The following NUP155 variants were observed in gnomAD, a reference collection of about 807,000 sequenced individuals.
NUP155 encodes nuclear pore complex protein Nup155.
NUP155 carries 71 observed loss-of-function variants against 180.4 expected under a neutral mutation model. That is an observed-to-expected ratio of 0.39 (90% confidence interval 0.33 to 0.48). The LOEUF is 0.48. Among genes scored for constraint, NUP155 ranks in the 20% least tolerant of loss-of-function variants. The pLI is 0.91. For missense variants in NUP155, 1,553 were observed against 1,648.9 expected, an observed-to-expected ratio of 0.94 and a Z score of 1.01; for synonymous variants, 582 against 559.5, an observed-to-expected ratio of 1.04 and a Z score of -0.57.
At chr5:37,309,346 A>T in intron 23 of NUP155, 79 bp from the exon 24 acceptor site, 3 of 1,156,158 alleles carry the variant, frequency 2.6e-6, no homozygotes, top group East Asian at 2.6e-5. Context: ...GTTTTAGTCT[A>T]TGTCTAAATT....
Position 37,292,011 on chromosome 5 carries a change from A to C in NUP155, c.4065T>G (p.Asp1355Glu). 2 of 1,614,150 alleles carry C rather than the reference A, an allele frequency of 1.2e-6. No homozygotes were observed. Among genetic ancestry groups the C allele is most frequent in the Non-Finnish European group, 1.7e-6 (2 of 1,179,984 alleles). ...ERRRFTNLCLDAVCGYLVELQ... is the reference protein window; with the variant it reads ...ERRRFTNLCLEAVCGYLVELQ... ...GCTCAACAAGGTAACCACAAACAGC[A>C]TCCAGGCAGAGATTTGTAAATCTTC... is the stretch of plus-strand genomic sequence containing the variant. The change falls in exon 35 of 35, where the codon GAT becomes GAG. Residue 1355 changes from aspartate to glutamate, a missense_variant. Transcript: ENST00000231498.
intron 16 of NUP155, 139 bp from the exon 17 acceptor site, chr5:37,328,559 A>T: frequency 1.5e-6 from 1 of 653,824 alleles, no homozygotes; most frequent in Non-Finnish European, 2.8e-6. Flanking sequence ...GCTGGAGTGC[A>T]GTGGCATGAT....
chr5:37,347,820 G>A (rs1746195997), intron 9 of NUP155, among the ~76,000 whole-genome samples: 1 of 151,932 alleles, frequency 6.6e-6, no homozygotes, highest in Admixed American at 6.6e-5. Flanking sequence ...GGCCAACATG[G>A]CGAAACCCAA....
intron 20 of NUP155, among the ~76,000 whole-genome samples, chr5:37,318,450 G>T (rs1744043279): frequency 6.6e-6 from 1 of 151,928 alleles, no homozygotes; most frequent in African/African-American, 2.4e-5. Flanking sequence ...AAAGAGAATG[G>T]GACAGAAGAA....
intron 20 of NUP155, 60 bp downstream of exon 20, chr5:37,323,932 T>C (rs2150960617): frequency 2.5e-6 from 3 of 1,202,622 alleles, no homozygotes; most frequent in South Asian, 2.5e-5. Flanking sequence ...ATGTAAATCA[T>C]CTCAACAAAA....
rs962308702 is a variant in NUP155, at chr5:37,294,181, A to C, written c.3930+148T>G. 57 of 589,108 alleles carry C rather than the reference A, an allele frequency of 9.7e-5. 1 individual carries two copies. The highest frequency in any genetic ancestry group is 1.7e-4 in the Non-Finnish European group (56 of 335,218). The allele number at this position is 589,108 out of a possible 1,614,324, so 36.5% of individuals were successfully genotyped here. ...AAGCAACTCTCATTATCAGTTTAAAAAGTCAAAAGCATAATTTCCAAGACT... is the reference window on the plus strand; with the variant it reads ...AAGCAACTCTCATTATCAGTTTAAACAGTCAAAAGCATAATTTCCAAGACT... On this transcript the variant is annotated intron_variant, in intron 33 of 34. Transcript: ENST00000231498.
At position 37,353,985 on chromosome 5, in the gene NUP155, A is replaced by T. The variant is rs554383321; in HGVS notation, c.464-1156T>A. On this transcript the variant is annotated intron_variant, in intron 4 of 34. Transcript: ENST00000231498. The stretch of plus-strand genomic sequence containing the variant: ...ACCACAATTAAAATATATATAATAG[A>T]TTTCATTTTGAAATGCAAATAAAAG... 1.2e-3 allele frequency among the ~76,000 whole-genome samples: 190 copies of T among 152,340 alleles called. 1 individual carries two copies. The highest frequency in any genetic ancestry group is 4.5e-3 in the African/African-American group (185 of 41,572).
At chr5:37,305,272 G>C (rs1411150633) in intron 25 of NUP155, 62 bp from the exon 26 acceptor site, 3 of 1,462,258 alleles carry the variant, frequency 2.1e-6, no homozygotes, top group Admixed American at 1.7e-5. Flanking sequence ...GATGGTAAGT[G>C]TGGTGACTCA....
In NUP155 at chr5:37,363,869, A is replaced by C. The variant is rs749218542; in HGVS notation, c.392+19T>G. On this transcript the variant is annotated intron_variant, in intron 3 of 34. Coordinates refer to ENST00000231498, the MANE Select transcript of NUP155 (RefSeq NM_153485.3). ...TAAATTCCAATCACCCTTAAAGCAA[A>C]CCAGCCTTAAATACATACCCATCCT... 11 of 1,527,780 alleles carry C rather than the reference A, an allele frequency of 7.2e-6. No individual in the cohort carries two copies. The allele number at this position is 1,527,780 out of a possible 1,614,324, so 94.6% of individuals were successfully genotyped here. A position where few individuals can be genotyped will look rare whatever the true frequency, so the allele number is the denominator to read the frequency against.
intron 20 of NUP155, among the ~76,000 whole-genome samples, chr5:37,319,320 A>G (rs906235924): frequency 3.3e-5 from 5 of 152,242 alleles, no homozygotes; most frequent in Admixed American, 2.6e-4. Flanking sequence ...CTGAACATTC[A>G]AAATGAGTAA....
At chr5:37,340,973 C>T in intron 11 of NUP155, 117 bp downstream of exon 11, 1 of 865,628 alleles carries the variant, frequency 1.2e-6, no homozygotes, top group Non-Finnish European at 1.8e-6. Flanking sequence ...CCTGACCCTT[C>T]TAGTAGTTCC....
intron 31 of NUP155, 64 bp downstream of exon 31, chr5:37,299,384 G>C: frequency 6.3e-7 from 1 of 1,585,856 alleles, no homozygotes; most frequent in Non-Finnish European, 8.7e-7. Flanking sequence ...GTTACTAGCA[G>C]CTTGCATTCC....
At chr5:37,369,871 T>C (rs751057936) in intron 1 of NUP155, among the ~76,000 whole-genome samples, 6 of 152,372 alleles carry the variant, frequency 3.9e-5, no homozygotes, top group Non-Finnish European at 8.8e-5. Flanking sequence ...TTCTAGCAAC[T>C]GATGTAATTC....
At chr5:37,332,301 C>T (rs1745022225) in intron 13 of NUP155, among the ~76,000 whole-genome samples, 4 of 130,342 alleles carry the variant, frequency 3.1e-5, no homozygotes, top group South Asian at 5.4e-4. Context: ...ATTGAGGTTT[C>T]TGCCATTACA....
intron 22 of NUP155, among the ~76,000 whole-genome samples, chr5:37,312,722 G>A (rs757727295): frequency 2.6e-5 from 4 of 152,072 alleles, no homozygotes; most frequent in African/African-American, 9.7e-5. Context: ...CCAGCTACTC[G>A]GGAGGCTAAA....
chr5:37,320,964 G>C (rs1364047719), intron 20 of NUP155, among the ~76,000 whole-genome samples: 14 of 152,190 alleles, frequency 9.2e-5, no homozygotes, highest in East Asian at 1.9e-4. Context: ...TTAAGGTAGA[G>C]AGAGGCCTGA....
intron 3 of NUP155, among the ~76,000 whole-genome samples, chr5:37,362,670 C>T (rs1426786694): frequency 1.2e-4 from 18 of 152,138 alleles, no homozygotes. Flanking sequence ...TGAAAAGATA[C>T]ATACCTAAAC....
intron 10 of NUP155, among the ~76,000 whole-genome samples, chr5:37,341,741 C>T (rs188393644): frequency 9.2e-5 from 14 of 152,180 alleles, no homozygotes; most frequent in African/African-American, 3.1e-4. Context: ...GGGGTTTCAC[C>T]GTGTTAGCCA....
chr5:37,358,131 T>C lies in NUP155; in HGVS notation c.413A>G (p.Asp138Gly), dbSNP rs931659057. Residue 138 changes from aspartate (D) to glycine (G), a missense_variant, in exon 4 of 35, where the codon GAT becomes GGT. Coordinates refer to ENST00000231498, the MANE Select transcript of NUP155 (RefSeq NM_153485.3). ...AGCAAGAATAGTCTCACTAAGTCCA[T>C]CAAAATAGGCAAGGTCTCCTCTGTG... ...YEDGGDLAYF[D>G]GLSETILAVG... is the part of the protein sequence containing the mutation. The C allele has an allele frequency of 6.2e-7, 1 of 1,613,152 alleles. No individual in the cohort carries two copies. Among genetic ancestry groups the C allele is most frequent in the Non-Finnish European group, 8.5e-7 (1 of 1,179,178 alleles).
Sources: gnomAD v4.1 joint callset for allele counts (sites outside exome capture counted in the v4.1 genomes callset) on GRCh38, gnomAD v4.1.1 for gene constraint, MANE v1.5 for transcripts, NCBI Gene and HGNC (gene_info 2026-07-23, HGNC 2026-07-21) for gene names.